TMC1: variants seen among roughly 807,000 people sequenced by gnomAD.
TMC1 encodes the protein transmembrane channel like 1.
A neutral mutation model predicts 105.8 loss-of-function variants in TMC1; 84 were observed. The observed-to-expected ratio is 0.79, with a 90% confidence interval of 0.67 to 0.95. The LOEUF (loss-of-function observed/expected upper bound fraction) is 0.95. TMC1 is among the 40% of genes least tolerant of loss of function. The pLI is 0.00. For synonymous variants in TMC1, 315 were observed against 311.5 expected, an observed-to-expected ratio of 1.01 and a Z score of -0.12; for missense variants, 817 against 914.1, an observed-to-expected ratio of 0.89 and a Z score of 1.37.
rs1268153446 is a variant in TMC1, at chr9:72,837,511, T to G, written c.*1538T>G. ...TATCCTGTAAGCTTGGATTCTAATGTTCTATAATTTTTTTCTTTGCTTTTT... is the reference window on the plus strand; with the variant it reads ...TATCCTGTAAGCTTGGATTCTAATGGTCTATAATTTTTTTCTTTGCTTTTT... On this transcript the variant is annotated 3_prime_UTR_variant, in exon 24 of 24. Coordinates refer to ENST00000297784, the MANE Select transcript of TMC1 (RefSeq NM_138691.3). 6.6e-6 allele frequency: 1 copy of G among 152,214 alleles called. No individual in the cohort carries two copies. The highest frequency in any genetic ancestry group is 2.4e-5 in the African/African-American group (1 of 41,450). The allele number at this position is 152,214 out of a possible 1,614,324, so 9.4% of individuals were successfully genotyped here.
At chr9:72,785,915 G>T (rs184208839) in intron 13 of TMC1, among the ~76,000 whole-genome samples, 1 of 152,096 alleles carries the variant, frequency 6.6e-6, no homozygotes, top group South Asian at 2.1e-4. Flanking sequence ...TCTTTTTCTT[G>T]TGTGGTCTTA....
At chr9:72,808,375 G>T (rs138723960) in intron 18 of TMC1, among the ~76,000 whole-genome samples, 2 of 152,314 alleles carry the variant, frequency 1.3e-5, no homozygotes, top group Non-Finnish European at 2.9e-5. Flanking sequence ...TAAAGACTCA[G>T]CTATTATGTT....
chr9:72,825,022 T>G (rs774956021), intron 20 of TMC1, among the ~76,000 whole-genome samples: 1 of 152,254 alleles, frequency 6.6e-6, no homozygotes, highest in African/African-American at 2.4e-5. Flanking sequence ...ATATTGGTCA[T>G]TTGCAATCAT....
intron 18 of TMC1, among the ~76,000 whole-genome samples, chr9:72,814,161 G>A (rs969644485): frequency 2.6e-5 from 4 of 152,122 alleles, no homozygotes; most frequent in African/African-American, 9.7e-5. Flanking sequence ...CCATTCTAAG[G>A]AGGCGAAGGC....
chr9:72,803,035 A>G (rs1220371360), intron 17 of TMC1, among the ~76,000 whole-genome samples: 1 of 152,214 alleles, frequency 6.6e-6, no homozygotes, highest in Admixed American at 6.5e-5. Context: ...AAAAACAGGC[A>G]GACAGACCAG....
intron 2 of TMC1, among the ~76,000 whole-genome samples, chr9:72,607,150 T>C (rs1436659366): frequency 6.6e-6 from 1 of 151,936 alleles, no homozygotes; most frequent in Admixed American, 6.6e-5. Context: ...ATAAATGTTT[T>C]TGTATGATCC....
At chr9:72,558,770 A>C (rs1335167074) in intron 1 of TMC1, among the ~76,000 whole-genome samples, 2 of 152,204 alleles carry the variant, frequency 1.3e-5, no homozygotes, top group African/African-American at 4.8e-5. Context: ...GCAGAGTCGG[A>C]TGCAGCAACC....
At chr9:72,715,954 C>T (rs974570241) in intron 8 of TMC1, among the ~76,000 whole-genome samples, 4 of 152,008 alleles carry the variant, frequency 2.6e-5, no homozygotes, top group Non-Finnish European at 1.5e-5. Context: ...CTGAGTGGTC[C>T]TTTTTGTTGA....
intron 5 of TMC1, chr9:72,656,155 G>T (rs1825881499): frequency 1.3e-5 from 8 of 609,296 alleles, no homozygotes; most frequent in South Asian, 1.1e-4. Context: ...TGCCATCTTC[G>T]GCTCCGTGGG....
chr9:72,750,791 G>T (rs1827569595), intron 10 of TMC1, among the ~76,000 whole-genome samples: 2 of 152,144 alleles, frequency 1.3e-5, no homozygotes, highest in South Asian at 4.1e-4. Context: ...CCCACACACT[G>T]TGGTTTGGCC....
At chr9:72,637,584 A>T (rs1320994394) in intron 4 of TMC1, among the ~76,000 whole-genome samples, 4 of 152,210 alleles carry the variant, frequency 2.6e-5, no homozygotes, top group African/African-American at 9.6e-5. Context: ...TAGATAACTA[A>T]AAGATTGTAA....
Position 72,830,526 on chromosome 9 carries a change from A to C in TMC1, c.2205A>C (p.Lys735Asn). ...ATCTGGATCTCAAAAAGAAGATGAA[A>C]ATGGTATGATACAATTTATTTCATA... is the stretch of plus-strand genomic sequence containing the variant. Reference protein sequence around the residue: ...AANLDLKKKMKMQALENKMRN... With the variant: ...AANLDLKKKMNMQALENKMRN... Residue 735 changes from lysine to asparagine, a missense_variant, in exon 22 of 24, where the codon AAA becomes AAC. Physicochemically the swap from Lys to Asn is moderately conservative, Grantham distance 94. Transcript: ENST00000297784. 1.9e-6 allele frequency: 3 copies of C among 1,612,790 alleles called. No individual in the cohort carries two copies. Among genetic ancestry groups the C allele is most frequent in the Non-Finnish European group, 2.5e-6 (3 of 1,178,882 alleles).
chr9:72,713,286 C>T (rs1227208873), intron 8 of TMC1, among the ~76,000 whole-genome samples: 1 of 152,118 alleles, frequency 6.6e-6, no homozygotes, highest in Non-Finnish European at 1.5e-5. Context: ...ATGCTGGCCT[C>T]ATAAAATAAG....
intron 13 of TMC1, among the ~76,000 whole-genome samples, chr9:72,783,116 T>C (rs2118160201): frequency 6.6e-6 from 1 of 152,248 alleles, no homozygotes; most frequent in East Asian, 1.9e-4. Context: ...ATAGACCGTA[T>C]TAGTCAGGGC....
At chr9:72,760,892 G>A (rs975030609) in intron 12 of TMC1, among the ~76,000 whole-genome samples, 3 of 152,100 alleles carry the variant, frequency 2.0e-5, no homozygotes, top group African/African-American at 7.2e-5. Flanking sequence ...ACCCATGAAA[G>A]CGCAGTGCTC....
chr9:72,826,825 A>G (rs111781117), intron 20 of TMC1, 44 bp from the exon 21 acceptor site: 12 of 1,607,780 alleles, frequency 7.5e-6, no homozygotes, highest in Admixed American at 1.7e-5. Flanking sequence ...TGGTTTTTCC[A>G]TATGTTCTTA....
At chr9:72,830,285 C>G (rs568107733) in intron 21 of TMC1, among the ~76,000 whole-genome samples, 166 bp from the exon 22 acceptor site, 1 of 152,276 alleles carries the variant, frequency 6.6e-6, no homozygotes, top group East Asian at 1.9e-4. Context: ...ATCTCTTTAC[C>G]TCTCTGGACC....
chr9:72,536,453 C>T (rs568474181), intron 1 of TMC1, among the ~76,000 whole-genome samples: 2 of 152,138 alleles, frequency 1.3e-5, no homozygotes, highest in Non-Finnish European at 2.9e-5. Context: ...CTGCCTCAGC[C>T]TCCTGAGTAG....
At chr9:72,804,046 G>A (rs902796354) in intron 17 of TMC1, among the ~76,000 whole-genome samples, 94 of 152,246 alleles carry the variant, frequency 6.2e-4, no homozygotes, top group African/African-American at 2.2e-3. Context: ...AGAATACTAC[G>A]CAGCAATAAA....
Sources: gnomAD v4.1 joint callset for allele counts (sites outside exome capture counted in the v4.1 genomes callset) on GRCh38, gnomAD v4.1.1 for gene constraint, MANE v1.5 for transcripts, NCBI Gene and HGNC (gene_info 2026-07-23, HGNC 2026-07-21) for gene names.